Variants in RGS3 observed in about 807,000 individuals in gnomAD.
RGS3 encodes regulator of G protein signaling 3, also known as regulator of G-protein signalling 3.
In RGS3, 80 loss-of-function variants were observed where a neutral mutation model predicts 132.6. The observed-to-expected ratio is 0.60, with a 90% CI of 0.50 to 0.73. The LOEUF (loss-of-function observed/expected upper bound fraction) is 0.73, where lower values mean the gene tolerates loss of function less well. RGS3 is among the 30% of genes least tolerant of loss of function. RGS3 has a pLI of 0.00. For synonymous variants in RGS3, 598 were observed against 620.6 expected (o/e 0.96, Z 0.54); for missense variants, 1,382 against 1,530.8 (o/e 0.90, Z 1.62).
chr9:113,585,592 T>C (rs1835079668), intron 20 of RGS3, among the ~76,000 whole-genome samples: 1 of 152,236 alleles, frequency 6.6e-6, no homozygotes, highest in South Asian at 2.1e-4. Context: ...TGGAGGAAGA[T>C]ACCTCTCAGC....
At chr9:113,484,537 T>C (rs1830269731) in intron 6 of RGS3, among the ~76,000 whole-genome samples, 1 of 152,208 alleles carries the variant, frequency 6.6e-6, no homozygotes, top group Non-Finnish European at 1.5e-5. Context: ...AATTTCCCAC[T>C]GTGCCTTGGG....
intron 18 of RGS3, among the ~76,000 whole-genome samples, chr9:113,533,237 T>G (rs1190249483): frequency 1.3e-5 from 2 of 151,668 alleles, no homozygotes; most frequent in Non-Finnish European, 2.9e-5. Flanking sequence ...AATTCTGTTT[T>G]TTTTTTTTTT....
intron 18 of RGS3, among the ~76,000 whole-genome samples, chr9:113,533,740 G>T (rs1832566796): frequency 1.3e-5 from 2 of 152,306 alleles, no homozygotes; most frequent in African/African-American, 2.4e-5. Flanking sequence ...CAAGCTGGAA[G>T]GGACCACAGT....
intron 1 of RGS3, among the ~76,000 whole-genome samples, chr9:113,448,757 A>G (rs1179772494): frequency 2.0e-5 from 3 of 152,202 alleles, no homozygotes; most frequent in Admixed American, 1.3e-4. Flanking sequence ...TAAATGAAAA[A>G]ATATATATGA....
chr9:113,564,823 G>A (rs1833923735), intron 19 of RGS3: 2 of 617,282 alleles, frequency 3.2e-6, no homozygotes, highest in South Asian at 7.0e-5. Context: ...CCTGGGGGCA[G>A]TCGCATTCTG....
At chr9:113,484,464 C>G (rs1830268014) in intron 6 of RGS3, among the ~76,000 whole-genome samples, 1 of 152,078 alleles carries the variant, frequency 6.6e-6, no homozygotes, top group South Asian at 2.1e-4. Context: ...TAAGGTATCA[C>G]TTGGCTAGCT....
chr9:113,560,270 G>T (rs895549226), intron 19 of RGS3, among the ~76,000 whole-genome samples: 1 of 152,108 alleles, frequency 6.6e-6, no homozygotes, highest in South Asian at 2.1e-4. Flanking sequence ...AGGGGAACGG[G>T]CTTACCCTGG....
rs145567086 is a variant in RGS3 at position 113,541,544 on chromosome 9, A to G, written c.2037+4626A>G. The G allele has an allele frequency of 4.4e-5, 66 of 1,496,512 alleles. 1 individual carries two copies. The East Asian group carries it at 9.3e-4, about 21-fold the overall frequency. 92.7% of individuals were successfully genotyped at this position (1,496,512 alleles called of 1,614,324 possible). ...AACAGAGGACCAAGATGGTGGGTCT[A>G]GGGTCATCTGAAGGGAGTGGTCCCA... On this transcript the variant is annotated intron_variant, in intron 19 of 24. Transcript: ENST00000350696.
chr9:113,483,343 C>T (rs549309913), intron 5 of RGS3, among the ~76,000 whole-genome samples: 4 of 152,292 alleles, frequency 2.6e-5, no homozygotes, highest in Admixed American at 6.5e-5. Flanking sequence ...ATCTTAAGGG[C>T]GATCTTGGTC....
At chr9:113,547,191 A>G (rs1053775920) in intron 19 of RGS3, among the ~76,000 whole-genome samples, 2 of 152,242 alleles carry the variant, frequency 1.3e-5, no homozygotes, top group African/African-American at 4.8e-5. Context: ...GGCAGACTGC[A>G]AAGCCTCGGT....
exon 17 of RGS3, chr9:113,522,988 G>A (rs149471646): frequency 3.4e-5 from 55 of 1,613,968 alleles, no homozygotes; most frequent in Non-Finnish European, 3.6e-5. Context: ...GAGCCTGGCC[G>A]CTGCGACGTC....
At chr9:113,447,329 G>GTATATATATATATATAGATATA (rs1829130013) in intron 1 of RGS3, among the ~76,000 whole-genome samples, 1 of 27,536 alleles carries the variant, frequency 3.6e-5, no homozygotes, top group Non-Finnish European at 7.5e-5. Context: ...GTATGTATAT[G>GTATATATATATATATAGATATA]TATATATATA....
chr9:113,593,041 C>T (rs1457795264), intron 21 of RGS3: 2 of 152,172 alleles, frequency 1.3e-5, no homozygotes, highest in Non-Finnish European at 2.9e-5. Context: ...GGGTTGGGAC[C>T]TGGAGACCTG....
intron 19 of RGS3, among the ~76,000 whole-genome samples, chr9:113,546,112 A>G (rs1833103169): frequency 3.3e-5 from 5 of 152,152 alleles, no homozygotes; most frequent in Admixed American, 2.6e-4. Context: ...CCTTGGTAGC[A>G]CTACACTCCT....
At chr9:113,530,786 T>G (rs2118549742) in intron 18 of RGS3, among the ~76,000 whole-genome samples, 1 of 152,336 alleles carries the variant, frequency 6.6e-6, no homozygotes, top group East Asian at 1.9e-4. Flanking sequence ...CCAGGGGCTG[T>G]GGGATTGAGC....
chr9:113,479,267 G>A, intron 3 of RGS3: 1 of 579,090 alleles, frequency 1.7e-6, no homozygotes, highest in South Asian at 2.0e-5. Flanking sequence ...AGGGGCACAA[G>A]CAAGGCTAGA....
intron 16 of RGS3, among the ~76,000 whole-genome samples, chr9:113,519,325 C>T (rs1022985379): frequency 6.6e-6 from 1 of 152,096 alleles, no homozygotes; most frequent in Non-Finnish European, 1.5e-5. Context: ...AGTTGCAATT[C>T]GTCCAGAAAA....
chr9:113,544,985 T>A (rs1355435676), intron 19 of RGS3, among the ~76,000 whole-genome samples: 2 of 152,200 alleles, frequency 1.3e-5, no homozygotes, highest in Admixed American at 1.3e-4. Context: ...CAGTGGAGAA[T>A]AAACTTCCAG....
intron 3 of RGS3, among the ~76,000 whole-genome samples, chr9:113,475,312 A>C (rs1219084104): frequency 6.6e-6 from 1 of 152,182 alleles, no homozygotes; most frequent in Non-Finnish European, 1.5e-5. Context: ...GATGACTTCA[A>C]GCCCTTTAGC....
Sources: allele counts gnomAD v4.1 joint callset (sites outside exome capture counted in the v4.1 genomes callset), GRCh38; gene constraint gnomAD v4.1.1; transcripts MANE v1.5; gene names NCBI Gene and HGNC (gene_info 2026-07-23, HGNC 2026-07-21).